HCN2: variants seen among roughly 807,000 people sequenced by gnomAD.
The protein encoded by HCN2 is potassium/sodium hyperpolarization-activated cyclic nucleotide-gated channel 2.
A neutral mutation model predicts 52.3 loss-of-function variants in HCN2; 20 were observed. That is an observed-to-expected ratio of 0.38 (90% CI 0.27 to 0.56). The LOEUF (loss-of-function observed/expected upper bound fraction) is 0.56. Ranked by LOEUF, HCN2 falls within the 20% of genes least tolerant of loss-of-function variation. The probability of loss-of-function intolerance (pLI) is 0.71; values close to 1 mark genes in which losing one functional copy is unlikely to be tolerated. For synonymous variants in HCN2, 694 were observed against 537.0 expected (o/e 1.29, Z -4.04); for missense variants, 981 against 1,207.7 (o/e 0.81, Z 2.78).
chr19:597,571 C>T lies in HCN2; in HGVS notation c.633-5973C>T, dbSNP rs73918155. Among the ~76,000 whole-genome samples the T allele has an allele frequency of 5.7e-3, 264 of 46,672 alleles. 10 individuals are homozygous for T. Among genetic ancestry groups the T allele is most frequent in the South Asian group, 0.02 (15 of 768 alleles). The allele number at this position is 46,672 out of a possible 152,430, so 30.6% of individuals were successfully genotyped here. Reference sequence around the variant, plus strand: ...GTCTTCCTGGTGGTTTGTAGATCTCCTTGGCGGTTTCTAGGTCCTCCTGGT... The same window carrying T: ...GTCTTCCTGGTGGTTTGTAGATCTCTTTGGCGGTTTCTAGGTCCTCCTGGT... On this transcript the variant is annotated intron_variant, in intron 1 of 7. Coordinates refer to ENST00000251287, the MANE Select transcript of HCN2 (RefSeq NM_001194.4).
rs530916941 is a variant in HCN2 at position 592,265 on chromosome 19, C to A, written c.632+1688C>A. Among the ~76,000 whole-genome samples the A allele has an allele frequency of 3.3e-5, 5 of 152,334 alleles. No homozygotes were observed. The South Asian group carries it at 1.0e-3, about 32-fold the overall frequency. On this transcript the variant is annotated intron_variant, in intron 1 of 7. Transcript: ENST00000251287. The surrounding 1 kb of genome is among the most constrained non-coding windows in gnomAD (Gnocchi z 4.8). ...GCATGACCTTCGACAGAGATGGGTG[C>A]ACCGCAGCGTGGGGGCTGGCAGGTG...
chr19:597,021 C>G lies in HCN2; in HGVS notation c.632+6444C>G, dbSNP rs113518245. Among the ~76,000 whole-genome samples the G allele has an allele frequency of 7.0e-3, 1,069 of 152,322 alleles. 8 individuals carry two copies. Among genetic ancestry groups the G allele is most frequent in the Middle Eastern group, 0.014 (4 of 294 alleles). ...GGGGACATGCGTGGGCGCCCTTCTT[C>G]CTTCTGACCTCTGGCTGGTGACGAC... On this transcript the variant is annotated intron_variant, in intron 1 of 7. Coordinates refer to ENST00000251287, the MANE Select transcript of HCN2 (RefSeq NM_001194.4).
At chr19:610,492 G>A in intron 5 of HCN2, 87 bp downstream of exon 5, 1 of 1,206,338 alleles carries the variant, frequency 8.3e-7, no homozygotes, top group South Asian at 1.3e-5. Flanking sequence ...GTCCCTGAGG[G>A]AGGCGAGGTG....
chr19:602,942 A>G (rs1336952130), intron 1 of HCN2, among the ~76,000 whole-genome samples: 2 of 67,240 alleles, frequency 3.0e-5, no homozygotes, highest in African/African-American at 1.6e-4. Flanking sequence ...CTTGTCCTGC[A>G]GGCGCCTGGG....
intron 4 of HCN2, 82 bp from the exon 5 acceptor site, chr19:610,177 C>A: frequency 6.6e-7 from 1 of 1,513,270 alleles, no homozygotes; most frequent in Non-Finnish European, 9.0e-7. Context: ...CCAGCCTCGC[C>A]TCCCCACAGT....
In HCN2 at chr19:591,125, G is replaced by T. The variant is rs986440876; in HGVS notation, c.632+548G>T. On this transcript the variant is annotated intron_variant, in intron 1 of 7. Transcript: ENST00000251287. This position sits in a 1 kb window ranked among gnomAD's most constrained non-coding sequence, Gnocchi z 4.1. ...GCTCCACCCGAGCCGCGGGCGGTGCGCGCATGCGGCGGTGGGTGTGTAGAC... is the reference window on the plus strand; with the variant it reads ...GCTCCACCCGAGCCGCGGGCGGTGCTCGCATGCGGCGGTGGGTGTGTAGAC... 2 of 151,960 alleles carry T rather than the reference G, an allele frequency of 1.3e-5. No individual in the cohort carries two copies. The highest frequency in any genetic ancestry group is 4.8e-5 in the African/African-American group (2 of 41,392). The allele number at this position is 151,960 out of a possible 1,614,324, so 9.4% of individuals were successfully genotyped here.
rs549334162 is a variant in HCN2 at position 591,901 on chromosome 19, C to T, written c.632+1324C>T. Among the ~76,000 whole-genome samples, 67 of 152,248 alleles carry T rather than the reference C, an allele frequency of 4.4e-4. 2 individuals carry two copies. The South Asian group carries it at 0.013, about 30-fold the overall frequency. Reference sequence around the variant, plus strand: ...TCCTGGACAGAGCCTGGAGGAAGGCCCTGGAATCCTCCTCCCACCCCAGGC... The same window carrying T: ...TCCTGGACAGAGCCTGGAGGAAGGCTCTGGAATCCTCCTCCCACCCCAGGC... On this transcript the variant is annotated intron_variant, in intron 1 of 7. Transcript: ENST00000251287. This position sits in a 1 kb window ranked among gnomAD's most constrained non-coding sequence, Gnocchi z 4.1.
In HCN2 at chr19:616,972, C is replaced by T; in HGVS notation, c.*498C>T. ...CCCGGTGACCTCGGGGAGCAGCACC[C>T]CGCCTCCCTCCAGCACTGGCACCGA... is the stretch of plus-strand genomic sequence containing the variant. On this transcript the variant is annotated 3_prime_UTR_variant, in exon 8 of 8. Transcript: ENST00000251287. 1 of 461,992 alleles carries T rather than the reference C, an allele frequency of 2.2e-6. No individual in the cohort carries two copies. Among genetic ancestry groups the T allele is most frequent in the Non-Finnish European group, 4.0e-6 (1 of 251,238 alleles). The allele number at this position is 461,992 out of a possible 1,614,324, so 28.6% of individuals were successfully genotyped here.
In HCN2 at chr19:616,063, C is replaced by G. The variant is rs926538770; in HGVS notation, c.2259C>G (p.Gly753=). 29 of 1,142,986 alleles carry G rather than the reference C, an allele frequency of 2.5e-5. No individual in the cohort carries two copies. The highest frequency in any genetic ancestry group is 2.8e-5 in the Non-Finnish European group (26 of 933,034). 70.8% of individuals were successfully genotyped at this position (1,142,986 alleles called of 1,614,324 possible). ...CGCTCGTGGGGCCGCTGGCGCTCGG[C>G]TCGCCGCGCCTCGTGCGCCGCCCGC... ...ARPLVGPLAL[G]SPRLVRRPPP... The change falls in exon 8 of 8, where the codon GGC becomes GGG. Residue 753 remains glycine (G), a synonymous_variant. Coordinates refer to ENST00000251287, the MANE Select transcript of HCN2 (RefSeq NM_001194.4).
Position 613,445 on chromosome 19 carries a change from G to A in HCN2, c.1782G>A (p.Lys594=), listed in dbSNP as rs1448930110. ...IQHGVVSVLT[K]GNKEMKLSDG... ...ACGGCGTGGTCAGCGTGCTCACTAA[G>A]GGCAACAAGGAGATGAAGCTGTCCG... Residue 594 remains lysine (K), a synonymous_variant, in exon 6 of 8, where the codon AAG becomes AAA. Coordinates refer to ENST00000251287, the MANE Select transcript of HCN2 (RefSeq NM_001194.4). The A allele has an allele frequency of 6.2e-7, 1 of 1,611,196 alleles. No individual in the cohort carries two copies. The highest frequency in any genetic ancestry group is 1.7e-5 in the Admixed American group (1 of 59,828).
chr19:603,841 G>C lies in HCN2; in HGVS notation c.930G>C (p.Lys310Asn). The change falls in exon 2 of 8, where the codon AAG (lysine) becomes AAC (asparagine). Residue 310 changes from lysine to asparagine, a missense_variant. Coordinates refer to ENST00000251287, the MANE Select transcript of HCN2 (RefSeq NM_001194.4). ...ACTACATCTTCCTTATCGTGGAGAA[G>C]GGCATTGACTCCGAGGTCTACAAGA... ...PVDYIFLIVE[K>N]GIDSEVYKTA... 2 of 1,612,690 alleles carry C rather than the reference G, an allele frequency of 1.2e-6. No individual in the cohort carries two copies. Among genetic ancestry groups the C allele is most frequent in the Non-Finnish European group, 1.7e-6 (2 of 1,179,876 alleles).
intron 1 of HCN2, among the ~76,000 whole-genome samples, chr19:599,255 G>A (rs765820406): frequency 1.3e-4 from 20 of 152,214 alleles, no homozygotes; most frequent in Non-Finnish European, 2.2e-4. Context: ...GGGTCACCCC[G>A]CAGACGTGGT....
At chr19:610,645 G>A (rs4411625) in intron 5 of HCN2, among the ~76,000 whole-genome samples, 68,153 of 152,094 alleles carry the variant, frequency 0.45, 19,674 homozygotes, top group African/African-American at 0.79. Context: ...CTGGGTCTGT[G>A]CCTGACAGGG....
intron 2 of HCN2, 144 bp from the exon 3 acceptor site, chr19:604,917 A>C: frequency 4.1e-6 from 3 of 726,414 alleles, no homozygotes; most frequent in Non-Finnish European, 4.0e-6. Flanking sequence ...GCAGGGCTGC[A>C]GGGTGGGGCG....
intron 1 of HCN2, among the ~76,000 whole-genome samples, chr19:597,475 TGGTTTCTAGGTCTCCTTGGC>T (rs1314656685): frequency 6.6e-6 from 1 of 151,852 alleles, no homozygotes; most frequent in Non-Finnish European, 1.5e-5. Flanking sequence ...GTCCTCCTGG[TGGTTTCTAGGTCTCCTTGGC>T]GGTTTCTAGG....
rs139341835 is a variant in HCN2, at chr19:613,955, G to A, written c.1929G>A (p.Glu643=). ...LSVDNFNEVL[E]EYPMMRRAFE... is the part of the protein sequence containing the mutation. ...TGGACAACTTCAACGAGGTGCTGGA[G>A]GAGTACCCCATGATGCGGCGCGCCT... The change falls in exon 7 of 8, where the codon GAG becomes GAA. Residue 643 remains glutamate, a synonymous_variant. Transcript: ENST00000251287. The A allele has an allele frequency of 1.1e-5, 18 of 1,603,398 alleles. No individual in the cohort carries two copies. Among genetic ancestry groups the A allele is most frequent in the African/African-American group, 9.5e-5 (7 of 73,764 alleles).
At position 615,937 on chromosome 19, in the gene HCN2, G is replaced by T; in HGVS notation, c.2133G>T (p.Val711=). 6.2e-7 allele frequency: 1 copy of T among 1,609,808 alleles called. No individual in the cohort carries two copies. The highest frequency in any genetic ancestry group is 1.1e-5 in the South Asian group (1 of 90,944). Residue 711 remains valine, a synonymous_variant, in exon 8 of 8, where the codon GTG becomes GTT. Transcript: ENST00000251287. ...MVQQAELGQR[V]GLFPPPPPPP... ...AGCAGGCCGAGCTGGGTCAGCGCGT[G>T]GGCCTCTTCCCGCCGCCGCCGCCGC...
At chr19:605,316 CCAA>C (rs1983387257) in intron 3 of HCN2, 94 bp downstream of exon 3, 1 of 1,109,864 alleles carries the variant, frequency 9.0e-7, no homozygotes. Context: ...AGGGTTGAAC[CCAA>C]GCCTTTCAGA....
chr19:616,659 C>T lies in HCN2; in HGVS notation c.*185C>T, dbSNP rs532361528. ...GCCCCCTCCGCGCCCCCGGCCGTCCCCCCTCATCGCCCCGCGCCCACCCCC... is the reference window on the plus strand; with the variant it reads ...GCCCCCTCCGCGCCCCCGGCCGTCCTCCCTCATCGCCCCGCGCCCACCCCC... On this transcript the variant is annotated 3_prime_UTR_variant, in exon 8 of 8. Transcript: ENST00000251287. The T allele has an allele frequency of 1.1e-5, 3 of 261,852 alleles. No homozygotes were observed. The highest frequency in any genetic ancestry group is 1.5e-4 in the East Asian group (2 of 13,234). 16.2% of individuals were successfully genotyped at this position (261,852 alleles called of 1,614,324 possible).
Sources: allele counts gnomAD v4.1 joint callset (sites outside exome capture counted in the v4.1 genomes callset), GRCh38; gene constraint gnomAD v4.1.1; non-coding constraint Gnocchi (gnomAD v3.1); transcripts MANE v1.5; gene names NCBI Gene and HGNC (gene_info 2026-07-23, HGNC 2026-07-21).